Variants in MECOM observed in about 807,000 individuals in gnomAD.
MECOM encodes the protein MDS1 and EVI1 complex locus, also known as histone-lysine N-methyltransferase MECOM.
A neutral mutation model predicts 116.3 loss-of-function variants in MECOM; 13 were observed. That is an observed-to-expected ratio of 0.11 (90% CI 0.07 to 0.18). The LOEUF is 0.18. MECOM is among the 10% of genes least tolerant of loss of function. The pLI is 1.00. For missense variants in MECOM, 1,299 were observed against 1,509.0 expected (o/e 0.86, Z 2.31); for synonymous variants, 528 against 535.2 (o/e 0.99, Z 0.19).
At chr3:169,249,170 A>G (rs1755949917) in intron 2 of MECOM, among the ~76,000 whole-genome samples, 1 of 152,176 alleles carries the variant, frequency 6.6e-6, no homozygotes, top group South Asian at 2.1e-4. Context: ...GCTTTGCGTG[A>G]TTGTTGAACG....
At chr3:169,375,740 T>C (rs959473846) in intron 2 of MECOM, among the ~76,000 whole-genome samples, 1 of 152,154 alleles carries the variant, frequency 6.6e-6, no homozygotes, top group South Asian at 2.1e-4. Flanking sequence ...AGGTGAATTC[T>C]ACCAGAGGTA....
chr3:169,208,819 T>C (rs1750304914), intron 2 of MECOM, among the ~76,000 whole-genome samples: 1 of 150,800 alleles, frequency 6.6e-6, no homozygotes, highest in Non-Finnish European at 1.5e-5. Flanking sequence ...TTGACTTTCT[T>C]CACAGAATTA....
At chr3:169,492,937 A>G (rs2108929293) in intron 1 of MECOM, among the ~76,000 whole-genome samples, 1 of 152,282 alleles carries the variant, frequency 6.6e-6, no homozygotes, top group East Asian at 1.9e-4. Context: ...TCCAGCCTCG[A>G]AGACAGAGAG....
At chr3:169,434,915 C>G (rs900753166) in intron 1 of MECOM, among the ~76,000 whole-genome samples, 1 of 152,088 alleles carries the variant, frequency 6.6e-6, no homozygotes, top group Non-Finnish European at 1.5e-5. Flanking sequence ...TAGTTATAAA[C>G]CCTGACCACT....
intron 2 of MECOM, among the ~76,000 whole-genome samples, chr3:169,242,067 C>T (rs1754892192): frequency 6.6e-6 from 1 of 152,188 alleles, no homozygotes; most frequent in African/African-American, 2.4e-5. Context: ...TTTCATATGT[C>T]ACCAGCTAAC....
intron 1 of MECOM, among the ~76,000 whole-genome samples, chr3:169,446,605 C>T (rs1744668161): frequency 6.6e-6 from 1 of 152,208 alleles, no homozygotes; most frequent in Non-Finnish European, 1.5e-5. Context: ...TGCTAAGCTA[C>T]CCTCCCTTTC....
intron 2 of MECOM, among the ~76,000 whole-genome samples, chr3:169,343,382 G>T (rs2149793923): frequency 2.0e-5 from 3 of 152,186 alleles, no homozygotes; most frequent in Admixed American, 2.0e-4. Context: ...GACAATGTTG[G>T]CAGCTGCTTG....
At chr3:169,145,098 A>C (rs1739384836) in intron 2 of MECOM, 1 of 1,448,466 alleles carries the variant, frequency 6.9e-7, no homozygotes, top group South Asian at 1.3e-5. Flanking sequence ...AAGTCGTCCC[A>C]AAATTTAAAA....
At chr3:169,211,632 T>C (rs1750745996) in intron 2 of MECOM, among the ~76,000 whole-genome samples, 1 of 152,186 alleles carries the variant, frequency 6.6e-6, no homozygotes, top group Non-Finnish European at 1.5e-5. Context: ...CCATCTCCTT[T>C]ACTAGTTCTT....
chr3:169,484,747 G>A (rs1366200444), intron 1 of MECOM, among the ~76,000 whole-genome samples: 1 of 151,758 alleles, frequency 6.6e-6, no homozygotes, highest in Non-Finnish European at 1.5e-5. Context: ...TCCTATGAAG[G>A]CACACTAACA....
intron 1 of MECOM, among the ~76,000 whole-genome samples, chr3:169,586,431 T>A (rs1765784666): frequency 6.6e-6 from 1 of 152,218 alleles, no homozygotes; most frequent in Admixed American, 6.5e-5. Flanking sequence ...ATAACAATAC[T>A]ATTTTGCATG....
intron 1 of MECOM, 148 bp downstream of exon 1, chr3:169,663,188 G>T: frequency 1.2e-6 from 1 of 859,836 alleles, no homozygotes; most frequent in Non-Finnish European, 1.8e-6. Flanking sequence ...ACTGGAACCG[G>T]CAGGTTGCTG....
chr3:169,145,051 G>T, intron 2 of MECOM: 1 of 1,540,728 alleles, frequency 6.5e-7, no homozygotes, highest in South Asian at 1.2e-5. Context: ...GAAGCCCTAT[G>T]AATAAGCCTT....
At chr3:169,386,724 T>C (rs1733381824) in intron 1 of MECOM, among the ~76,000 whole-genome samples, 1 of 152,176 alleles carries the variant, frequency 6.6e-6, no homozygotes, top group South Asian at 2.1e-4. Flanking sequence ...TTTATTGTCA[T>C]CCATTTCAAT....
Position 169,631,041 on chromosome 3 carries a change from A to G in MECOM, c.37+32295T>C, listed in dbSNP as rs546557498. ...ATATTGATGTCCTCCTCCATCAGCT[A>G]TCCAGATCAGGCTGCAGGCAGCTCT... On this transcript the variant is annotated intron_variant, in intron 1 of 16. Transcript: ENST00000651503. Among the ~76,000 whole-genome samples the G allele has an allele frequency of 2.6e-5, 4 of 152,374 alleles. No homozygotes were observed. In the South Asian group the frequency reaches 8.3e-4, roughly 32 times the overall value.
intron 2 of MECOM, among the ~76,000 whole-genome samples, chr3:169,331,487 T>C (rs948215236): frequency 6.6e-6 from 1 of 152,114 alleles, no homozygotes; most frequent in African/African-American, 2.4e-5. Context: ...ATTTATATAA[T>C]AAAAACTTGA....
rs60546348 is a variant in MECOM, at chr3:169,431,225, G to A, written c.38-49701C>T. Among the ~76,000 whole-genome samples, 1,451 of 152,294 alleles carry A rather than the reference G, an allele frequency of 9.5e-3. 28 individuals carry two copies. The highest frequency in any genetic ancestry group is 0.034 in the African/African-American group (1,394 of 41,556). ...GACAAACCCAAAGTCATTAGCTGGT[G>A]GGGAAATCTGAACTTGTGGCCTTTC... On this transcript the variant is annotated intron_variant, in intron 1 of 16. Coordinates refer to ENST00000651503, the MANE Select transcript of MECOM (RefSeq NM_004991.4).
chr3:169,338,003 A>G (rs1286825137), intron 2 of MECOM, among the ~76,000 whole-genome samples: 1 of 152,206 alleles, frequency 6.6e-6, no homozygotes, highest in East Asian at 1.9e-4. Flanking sequence ...CTTTATCAAG[A>G]ATACAAGAGA....
At position 169,116,151 on chromosome 3, in the gene MECOM, C is replaced by T. The variant is rs1204560828; in HGVS notation, c.1721G>A (p.Ser574Asn). The stretch of plus-strand genomic sequence containing the variant: ...AAGGTCACTACTCTCTGACTGGTCA[C>T]TGATTTTCTCAAAGGGCCTCTCTTC... ...SSEERPFEKISDQSESSDLDD... is the reference protein window; with the variant it reads ...SSEERPFEKINDQSESSDLDD... Residue 574 changes from serine to asparagine, a missense_variant, in exon 8 of 17, where the codon AGT becomes AAT. Transcript: ENST00000651503. 6.2e-7 allele frequency: 1 copy of T among 1,614,196 alleles called. No individual in the cohort carries two copies. Among genetic ancestry groups the T allele is most frequent in the Non-Finnish European group, 8.5e-7 (1 of 1,180,024 alleles).
Sources: gnomAD v4.1 joint callset for allele counts (sites outside exome capture counted in the v4.1 genomes callset) on GRCh38, gnomAD v4.1.1 for gene constraint, MANE v1.5 for transcripts, NCBI Gene and HGNC (gene_info 2026-07-23, HGNC 2026-07-21) for gene names.